SLC7A7: variants seen among roughly 807,000 people sequenced by gnomAD.
SLC7A7 encodes the protein Y+L amino acid transporter 1.
A neutral mutation model predicts 47.9 loss-of-function variants in SLC7A7; 39 were observed. The ratio of observed to expected loss-of-function variants is 0.81; its 90% CI spans 0.63 to 1.06. The LOEUF (loss-of-function observed/expected upper bound fraction) is 1.06, where lower values mean the gene tolerates loss of function less well. Ranked by LOEUF, SLC7A7 falls within the 50% of genes least tolerant of loss-of-function variation. The pLI is 0.00. For missense variants in SLC7A7, 588 were observed against 632.0 expected, an observed-to-expected ratio of 0.93 and a Z score of 0.75; for synonymous variants, 234 against 242.8, an observed-to-expected ratio of 0.96 and a Z score of 0.34.
chr14:22,818,364 G>A (rs1037892136), upstream of SLC7A7, among the ~76,000 whole-genome samples: 5 of 151,994 alleles, frequency 3.3e-5, no homozygotes, highest in East Asian at 7.7e-4. Context: ...AGGCAAGGGA[G>A]GCTGCCATGC....
upstream of SLC7A7, chr14:22,815,824 C>G: frequency 2.6e-6 from 1 of 382,558 alleles, no homozygotes; most frequent in South Asian, 1.9e-5. Context: ...CCTCTCTTCT[C>G]TCTCACCCCA....
chr14:22,799,788 A>T (rs995481231), intron 2 of SLC7A7, among the ~76,000 whole-genome samples: 6 of 152,048 alleles, frequency 3.9e-5, no homozygotes, highest in Non-Finnish European at 8.8e-5. Context: ...ATATACAATG[A>T]TGACTCCCAA....
intron 2 of SLC7A7, among the ~76,000 whole-genome samples, chr14:22,785,751 C>T (rs941519249): frequency 9.4e-5 from 14 of 148,648 alleles, no homozygotes; most frequent in African/African-American, 2.7e-4. Context: ...AAGCCAGGCG[C>T]GGTGGCTCAC....
chr14:22,791,553 A>G (rs2139419502), intron 2 of SLC7A7, among the ~76,000 whole-genome samples: 1 of 152,168 alleles, frequency 6.6e-6, no homozygotes, highest in African/African-American at 2.4e-5. Flanking sequence ...GCTCAGAAAA[A>G]CTGCACATTT....
chr14:22,775,327 C>G (rs1264017999), intron 7 of SLC7A7, 117 bp downstream of exon 7: 7 of 885,984 alleles, frequency 7.9e-6, no homozygotes, highest in Non-Finnish European at 7.6e-6. Context: ...TCTGATCCAC[C>G]AATAGTTTTT....
chr14:22,787,790 T>TGACTAAGATCAACAG (rs1470998785), intron 2 of SLC7A7, among the ~76,000 whole-genome samples: 17 of 149,006 alleles, frequency 1.1e-4, no homozygotes, highest in South Asian at 2.1e-4. Context: ...ATTAAAATGT[T>TGACTAAGATCAACAG]AGGCCGGGCA....
chr14:22,802,613 A>C (rs1453006823), intron 2 of SLC7A7, among the ~76,000 whole-genome samples: 1 of 151,892 alleles, frequency 6.6e-6, no homozygotes, highest in Non-Finnish European at 1.5e-5. Flanking sequence ...ATACCTTCTA[A>C]ATTGTGCTCA....
chr14:22,775,157 C>T (rs552907206), intron 7 of SLC7A7, among the ~76,000 whole-genome samples: 1 of 152,174 alleles, frequency 6.6e-6, no homozygotes, highest in South Asian at 2.1e-4. Context: ...ATCGTTTCTT[C>T]TCTTAAACAC....
chr14:22,776,451 T>A, intron 4 of SLC7A7, 133 bp from the exon 5 acceptor site: 1 of 1,159,034 alleles, frequency 8.6e-7, no homozygotes, highest in Middle Eastern at 2.3e-4. Flanking sequence ...TCAATGCATT[T>A]GTCTTTGACG....
At chr14:22,775,719 A>C in intron 6 of SLC7A7, 114 bp downstream of exon 6, 1 of 951,064 alleles carries the variant, frequency 1.1e-6, no homozygotes. Flanking sequence ...AACAAGAAGA[A>C]AGAGGTTGTG....
chr14:22,805,744 A>G (rs1221928611), intron 2 of SLC7A7, among the ~76,000 whole-genome samples: 1 of 152,228 alleles, frequency 6.6e-6, no homozygotes, highest in African/African-American at 2.4e-5. Context: ...AAAGCTGCAC[A>G]TCCTGCACAT....
upstream of SLC7A7, among the ~76,000 whole-genome samples, chr14:22,818,881 C>G (rs937983042): frequency 6.6e-6 from 1 of 152,034 alleles, no homozygotes; most frequent in Non-Finnish European, 1.5e-5. Context: ...TGTGAGCCAC[C>G]GTGCCTGACC....
chr14:22,803,105 A>G (rs1301676150), intron 2 of SLC7A7, among the ~76,000 whole-genome samples: 2 of 152,176 alleles, frequency 1.3e-5, no homozygotes, highest in Non-Finnish European at 2.9e-5. Flanking sequence ...AGACAAGTAA[A>G]TGATGTGTTG....
chr14:22,816,016 A>G (rs1292816293), upstream of SLC7A7: 3 of 234,388 alleles, frequency 1.3e-5, no homozygotes, highest in Middle Eastern at 1.8e-3. Context: ...CCACTGCCCC[A>G]AAGTCTGAGC....
At chr14:22,801,334 A>C (rs1175038555) in intron 2 of SLC7A7, among the ~76,000 whole-genome samples, 1 of 151,960 alleles carries the variant, frequency 6.6e-6, no homozygotes, top group African/African-American at 2.4e-5. Flanking sequence ...TGCTGCTTGG[A>C]ACACTCCTCT....
intron 2 of SLC7A7, among the ~76,000 whole-genome samples, chr14:22,795,127 C>G (rs2038990089): frequency 3.1e-5 from 4 of 129,684 alleles, no homozygotes; most frequent in South Asian, 2.5e-4. Context: ...GTTGCCCATG[C>G]TGGAATGCAG....
chr14:22,783,967 G>A (rs915649316), intron 2 of SLC7A7, among the ~76,000 whole-genome samples: 2 of 152,218 alleles, frequency 1.3e-5, no homozygotes, highest in Admixed American at 6.5e-5. Flanking sequence ...GACTGTGGGA[G>A]CAGGAAATGG....
At chr14:22,804,110 C>T (rs969649171) in intron 2 of SLC7A7, among the ~76,000 whole-genome samples, 3 of 152,040 alleles carry the variant, frequency 2.0e-5, no homozygotes, top group Admixed American at 6.6e-5. Context: ...GAAAGGATTC[C>T]GTATTTAATA....
Position 22,808,571 on chromosome 14 carries a change from C to T in SLC7A7, c.499+4329G>A, listed in dbSNP as rs1454656724. On this transcript the variant is annotated intron_variant, in intron 2 of 9. Coordinates refer to ENST00000674313, the MANE Select transcript of SLC7A7 (RefSeq NM_003982.4). ...CCCGTAATCCTAGCACTTTGGGAGG[C>T]CAAGGCAGGCAGATAGCTTGAGCCC... Among the ~76,000 whole-genome samples the T allele has an allele frequency of 7.8e-4, 119 of 152,088 alleles. 1 individual carries two copies. The highest frequency in any genetic ancestry group is 1.2e-4 in the Non-Finnish European group (8 of 68,024).
Sources: gnomAD v4.1 joint callset for allele counts (sites outside exome capture counted in the v4.1 genomes callset) on GRCh38, gnomAD v4.1.1 for gene constraint, MANE v1.5 for transcripts, NCBI Gene and HGNC (gene_info 2026-07-23, HGNC 2026-07-21) for gene names.